Variants in FAM83F observed in about 807,000 individuals in gnomAD.
FAM83F encodes protein FAM83F.
A neutral mutation model predicts 42.9 loss-of-function variants in FAM83F; 45 were observed. That is an observed-to-expected ratio of 1.05 (90% CI 0.83 to 1.35). FAM83F has a LOEUF of 1.35. Among genes scored for constraint, FAM83F ranks in the 40% most tolerant of loss-of-function variants. The pLI, the probability that FAM83F is intolerant of heterozygous loss-of-function variation, is 0.00. For missense variants in FAM83F, 617 were observed against 695.9 expected, an observed-to-expected ratio of 0.89 and a Z score of 1.28; for synonymous variants, 306 against 298.3, an observed-to-expected ratio of 1.03 and a Z score of -0.27.
In FAM83F at chr22:40,043,420, C is replaced by T. The variant is rs1171915038; in HGVS notation, c.*13855C>T. ...TGAATGCTGCTATAGGGAAAGAACC[C>T]AGTGGCCACCAGCCAGGAGCACACG... On this transcript the variant is annotated 3_prime_UTR_variant, in exon 5 of 5. Transcript: ENST00000333407. The T allele has an allele frequency of 1.3e-5, 2 of 152,180 alleles. No individual in the cohort carries two copies. The highest frequency in any genetic ancestry group is 2.9e-5 in the Non-Finnish European group (2 of 68,048). 9.4% of individuals were successfully genotyped at this position (152,180 alleles called of 1,614,324 possible). A position where few individuals can be genotyped will look rare whatever the true frequency, so the allele number is the denominator to read the frequency against.
chr22:40,002,368 G>C (rs2067406831), intron 1 of FAM83F, among the ~76,000 whole-genome samples: 4 of 152,190 alleles, frequency 2.6e-5, no homozygotes. Context: ...TCCCTCTTTG[G>C]GGAAGAGGGA....
chr22:40,041,061 G>C lies in FAM83F; in HGVS notation c.*11496G>C, dbSNP rs1315992790. 1 of 152,062 alleles carries C rather than the reference G, an allele frequency of 6.6e-6. No homozygotes were observed. Among genetic ancestry groups the C allele is most frequent in the Non-Finnish European group, 1.5e-5 (1 of 68,016 alleles). 9.4% of individuals were successfully genotyped at this position (152,062 alleles called of 1,614,324 possible). ...CAGGGATCACAACACAACCTCTCAA[G>C]GGAAAAAAGGAAGGCCTGTTGCTTG... On this transcript the variant is annotated 3_prime_UTR_variant, in exon 5 of 5. Transcript: ENST00000333407.
chr22:40,002,867 G>A lies in FAM83F; in HGVS notation c.489+7336G>A, dbSNP rs377232312. 3.4e-4 allele frequency among the ~76,000 whole-genome samples: 51 copies of A among 152,220 alleles called. No individual in the cohort carries two copies. The East Asian group carries it at 3.9e-3, about 12-fold the overall frequency. ...GGATCGGTGCCCTGTGTGCCATTTC[G>A]TTTCGTTAATCCAACCCTCAGCACC... On this transcript the variant is annotated intron_variant, in intron 1 of 4. Coordinates refer to ENST00000333407, the MANE Select transcript of FAM83F (RefSeq NM_138435.4).
At position 40,036,574 on chromosome 22, in the gene FAM83F, CAG is replaced by C. The variant is rs1477496571; in HGVS notation, c.*7012_*7013del. On this transcript the variant is annotated 3_prime_UTR_variant, in exon 5 of 5. Coordinates refer to ENST00000333407, the MANE Select transcript of FAM83F (RefSeq NM_138435.4). ...ACAAATAAAACCTAAATCAAAGAAA[CAG>C]AGCATGTCCGGAGAAGTCTGCCAAC... is the stretch of plus-strand genomic sequence containing the variant. The C allele has an allele frequency of 5.3e-5, 8 of 152,352 alleles. No homozygotes were observed. The highest frequency in any genetic ancestry group is 1.9e-4 in the African/African-American group (8 of 41,582). 9.4% of individuals were successfully genotyped at this position (152,352 alleles called of 1,614,324 possible).
rs2067616541 is a variant in FAM83F at position 40,035,357 on chromosome 22, A to AG, written c.*5796dup. 1 of 152,244 alleles carries AG rather than the reference A, an allele frequency of 6.6e-6. No homozygotes were observed. Among genetic ancestry groups the AG allele is most frequent in the South Asian group, 2.1e-4 (1 of 4,832 alleles). 9.4% of individuals were successfully genotyped at this position (152,244 alleles called of 1,614,324 possible). A position where few individuals can be genotyped will look rare whatever the true frequency, so the allele number is the denominator to read the frequency against. On this transcript the variant is annotated 3_prime_UTR_variant, in exon 5 of 5. Transcript: ENST00000333407. ...GCCCACAGTGCTGTGGGTACAAGCA[A>AG]GGGGAAAAGAGCCCATGGTGTGCAG...
rs2067654505 is a variant in FAM83F at position 40,042,201 on chromosome 22, T to C, written c.*12636T>C. 1 of 152,200 alleles carries C rather than the reference T, an allele frequency of 6.6e-6. No individual in the cohort carries two copies. Among genetic ancestry groups the C allele is most frequent in the Admixed American group, 6.5e-5 (1 of 15,284 alleles). The allele number at this position is 152,200 out of a possible 1,614,324, so 9.4% of individuals were successfully genotyped here. ...ATGATCAGAAAAACGGCCATCTTAT[T>C]TGGAAATTATTTTCCTATTCTCAAG... On this transcript the variant is annotated 3_prime_UTR_variant, in exon 5 of 5. Transcript: ENST00000333407.
At position 40,020,082 on chromosome 22, in the gene FAM83F, G is replaced by A. The variant is rs559317271; in HGVS notation, c.779+74G>A. ...TAGGTGTTCAGGAAGATGCCAGACC[G>A]GAGCCTCCGTCATCATGAGTGTGTA... is the stretch of plus-strand genomic sequence containing the variant. On this transcript the variant is annotated intron_variant, in intron 3 of 4. Transcript: ENST00000333407. 5.1e-5 allele frequency: 78 copies of A among 1,535,968 alleles called. No individual in the cohort carries two copies. In the African/African-American group the frequency reaches 5.5e-4, roughly 11 times the overall value.
At position 39,995,532 on chromosome 22, in the gene FAM83F, G is replaced by T; in HGVS notation, c.489+1G>T. 6.4e-7 allele frequency: 1 copy of T among 1,554,884 alleles called. No homozygotes were observed. ...GCAGATGATCCAACAGGCCCAGAAG[G>T]TAGGCCCCCGCCTTCGCCCCCACAC... On this transcript the variant is annotated splice_donor_variant, in intron 1 of 4. Transcript: ENST00000333407. LOFTEE classifies it high-confidence loss of function. The surrounding 1 kb of genome is among the most constrained non-coding windows in gnomAD (Gnocchi z 4.6).
At chr22:40,005,174 A>G (rs2067421266) in intron 1 of FAM83F, among the ~76,000 whole-genome samples, 1 of 152,180 alleles carries the variant, frequency 6.6e-6, no homozygotes, top group East Asian at 1.9e-4. Flanking sequence ...CATTTGTCTT[A>G]CCCTGATAGA....
intron 4 of FAM83F, among the ~76,000 whole-genome samples, chr22:40,025,006 G>A (rs1018059211): frequency 2.6e-5 from 4 of 152,064 alleles, no homozygotes; most frequent in South Asian, 2.1e-4. Context: ...TCTTCCCTCC[G>A]CCCTCGCCTC....
rs1397568716 is a variant in FAM83F, at chr22:40,042,754, AAAAG to A, written c.*13193_*13196del. 1 of 152,242 alleles carries A rather than the reference AAAAG, an allele frequency of 6.6e-6. No individual in the cohort carries two copies. The highest frequency in any genetic ancestry group is 1.9e-4 in the East Asian group (1 of 5,196). 9.4% of individuals were successfully genotyped at this position (152,242 alleles called of 1,614,324 possible). Reference sequence around the variant, plus strand: ...AACAATGTGAAGGACACAAAGATGAAAAAGAAACCATCTGCTTCAAGGTACTTAC... The same window carrying A: ...AACAATGTGAAGGACACAAAGATGAAAAACCATCTGCTTCAAGGTACTTAC... On this transcript the variant is annotated 3_prime_UTR_variant, in exon 5 of 5. Coordinates refer to ENST00000333407, the MANE Select transcript of FAM83F (RefSeq NM_138435.4).
At chr22:40,007,424 CCT>C in intron 1 of FAM83F, among the ~76,000 whole-genome samples, 1 of 37,434 alleles carries the variant, frequency 2.7e-5, no homozygotes, top group Non-Finnish European at 5.6e-5. Context: ...CTGTCCTCCT[CCT>C]CTCCTCTCCT....
chr22:40,005,410 C>T (rs984260793), intron 1 of FAM83F, among the ~76,000 whole-genome samples: 8 of 152,252 alleles, frequency 5.3e-5, no homozygotes, highest in African/African-American at 1.9e-4. Flanking sequence ...TTAACACCAA[C>T]TTAGTGCCGG....
Position 40,029,887 on chromosome 22 carries a change from GC to G in FAM83F, c.*325del. On this transcript the variant is annotated 3_prime_UTR_variant, in exon 5 of 5. Coordinates refer to ENST00000333407, the MANE Select transcript of FAM83F (RefSeq NM_138435.4). Reference sequence around the variant, plus strand: ...CCGCTGATTGCCAGATGGGGTGAGGGCCCATTCTTTAAACCTTTATGGGGTG... The same window carrying G: ...CCGCTGATTGCCAGATGGGGTGAGGGCCATTCTTTAAACCTTTATGGGGTG... The G allele has an allele frequency of 3.3e-6, 1 of 300,838 alleles. No homozygotes were observed. The highest frequency in any genetic ancestry group is 6.4e-6 in the Non-Finnish European group (1 of 157,400). The allele number at this position is 300,838 out of a possible 1,614,324, so 18.6% of individuals were successfully genotyped here. A position where few individuals can be genotyped will look rare whatever the true frequency, so the allele number is the denominator to read the frequency against.
chr22:39,995,142 G>A lies in FAM83F; in HGVS notation c.100G>A (p.Ala34Thr), dbSNP rs1436677271. 2.9e-6 allele frequency: 4 copies of A among 1,375,686 alleles called. No homozygotes were observed. In the South Asian group the frequency reaches 5.2e-5, roughly 18 times the overall value. The allele number at this position is 1,375,686 out of a possible 1,614,324, so 85.2% of individuals were successfully genotyped here. ...CTACTACTGCGAGCGGCGGCGGGCC[G>A]CGCTGGAGGCGCTGCTGGGCGGCGG... is the stretch of plus-strand genomic sequence containing the variant. ...AFYYCERRRA[A>T]LEALLGGGEQ... The change falls in exon 1 of 5, where the codon GCG becomes ACG. Residue 34 changes from alanine to threonine, a missense_variant. Coordinates refer to ENST00000333407, the MANE Select transcript of FAM83F (RefSeq NM_138435.4). This position sits in a 1 kb window ranked among gnomAD's most constrained non-coding sequence, Gnocchi z 4.6.
intron 1 of FAM83F, 76 bp from the exon 2 acceptor site, chr22:40,019,092 T>C: frequency 6.4e-7 from 1 of 1,552,290 alleles, no homozygotes. Context: ...CAGGGCGAGG[T>C]GGTACCATCT....
Position 40,032,910 on chromosome 22 carries a change from C to G in FAM83F, c.*3345C>G, listed in dbSNP as rs1338449983. ...TTGTTTACTACTGTATTGCTTTTCT[C>G]TTTTTCATATTTATTGAGCACCTAC... On this transcript the variant is annotated 3_prime_UTR_variant, in exon 5 of 5. Transcript: ENST00000333407. 6.6e-6 allele frequency: 1 copy of G among 152,056 alleles called. No homozygotes were observed. Among genetic ancestry groups the G allele is most frequent in the Admixed American group, 6.6e-5 (1 of 15,250 alleles). 9.4% of individuals were successfully genotyped at this position (152,056 alleles called of 1,614,324 possible). A position where few individuals can be genotyped will look rare whatever the true frequency, so the allele number is the denominator to read the frequency against.
At position 40,030,020 on chromosome 22, in the gene FAM83F, G is replaced by A. The variant is rs959795332; in HGVS notation, c.*455G>A. 4.9e-5 allele frequency: 8 copies of A among 164,310 alleles called. No individual in the cohort carries two copies. Among genetic ancestry groups the A allele is most frequent in the Admixed American group, 1.1e-4 (2 of 17,426 alleles). 10.2% of individuals were successfully genotyped at this position (164,310 alleles called of 1,614,324 possible). On this transcript the variant is annotated 3_prime_UTR_variant, in exon 5 of 5. Coordinates refer to ENST00000333407, the MANE Select transcript of FAM83F (RefSeq NM_138435.4). ...GAGATTGGTGGAATAAAAGGGAAGA[G>A]GGCAGGGCCCTGAGCCTGGGATCCC...
At chr22:40,003,006 C>T (rs988622059) in intron 1 of FAM83F, among the ~76,000 whole-genome samples, 5 of 152,194 alleles carry the variant, frequency 3.3e-5, no homozygotes, top group African/African-American at 9.7e-5. Flanking sequence ...TGTCCATCCA[C>T]GGCAGTTGCC....
Sources: gnomAD v4.1 joint callset for allele counts (sites outside exome capture counted in the v4.1 genomes callset) on GRCh38, gnomAD v4.1.1 for gene constraint, Gnocchi (gnomAD v3.1) non-coding constraint, MANE v1.5 for transcripts, NCBI Gene and HGNC (gene_info 2026-07-23, HGNC 2026-07-21) for gene names.